Variants in KYAT1 observed in about 807,000 individuals in gnomAD.
KYAT1 encodes kynurenine--oxoglutarate transaminase 1.
A neutral mutation model predicts 52.4 loss-of-function variants in KYAT1; 47 were observed. That is an observed-to-expected ratio of 0.90 (90% CI 0.71 to 1.14). The LOEUF (loss-of-function observed/expected upper bound fraction) is 1.14. Ranked by LOEUF, KYAT1 falls within the 50% of genes most tolerant of loss-of-function variation. The probability of loss-of-function intolerance (pLI) is 0.00; values close to 1 mark genes in which losing one functional copy is unlikely to be tolerated. For synonymous variants in KYAT1, 212 were observed against 209.6 expected, an observed-to-expected ratio of 1.01 and a Z score of -0.10; for missense variants, 480 against 557.9, an observed-to-expected ratio of 0.86 and a Z score of 1.41.
In KYAT1 at chr9:128,838,254, G is replaced by T; in HGVS notation, c.315C>A (p.Phe105Leu). Residue 105 changes from phenylalanine (F) to leucine (L), a missense_variant, in exon 4 of 13, where the codon TTC (phenylalanine) becomes TTA (leucine). Phe to Leu is a conservative substitution (Grantham distance 22, BLOSUM62 0). Transcript: ENST00000302586. ...LVTVGGYGAL[F>L]TAFQALVDEG... ...CGTCCACCAGGGCCTGGAAGGCTGT[G>T]AACAGGGCCCCATAGCCACCAACAG... The T allele has an allele frequency of 1.2e-6, 2 of 1,614,212 alleles. No homozygotes were observed. Among genetic ancestry groups the T allele is most frequent in the Non-Finnish European group, 1.7e-6 (2 of 1,180,038 alleles).
chr9:128,881,332 C>T (rs1461404270), intron 1 of KYAT1, among the ~76,000 whole-genome samples: 2 of 152,150 alleles, frequency 1.3e-5, no homozygotes, highest in Non-Finnish European at 2.9e-5. Context: ...CCGCCCGCCT[C>T]GGCCTCCCAA....
rs527559265 is a variant in KYAT1 at position 128,834,815 on chromosome 9, G to A, written c.1122+508C>T. Among the ~76,000 whole-genome samples the A allele has an allele frequency of 4.2e-5, 5 of 119,522 alleles. No homozygotes were observed. The South Asian group carries it at 1.5e-3, about 37-fold the overall frequency. 78.4% of individuals were successfully genotyped at this position (119,522 alleles called of 152,430 possible). A position where few individuals can be genotyped will look rare whatever the true frequency, so the allele number is the denominator to read the frequency against. On this transcript the variant is annotated intron_variant, in intron 11 of 12. Transcript: ENST00000302586. ...CCACTGCACTCCCACCTAGGCGACA[G>A]AGTGAGACTCTGTCTCAAAAAAAAA...
At chr9:128,857,527 C>G (rs902800306) in intron 1 of KYAT1, among the ~76,000 whole-genome samples, 1 of 152,196 alleles carries the variant, frequency 6.6e-6, no homozygotes, top group Non-Finnish European at 1.5e-5. Flanking sequence ...AAAATTAATT[C>G]AAAGTGAATC....
At chr9:128,850,573 C>A (rs976874613) in intron 1 of KYAT1, among the ~76,000 whole-genome samples, 2 of 152,180 alleles carry the variant, frequency 1.3e-5, no homozygotes, top group African/African-American at 2.4e-5. Flanking sequence ...CTTGGAAAGC[C>A]GCGTATTGTC....
chr9:128,835,530 G>A lies in KYAT1; in HGVS notation c.993C>T (p.Pro331=). The A allele has an allele frequency of 6.2e-7, 1 of 1,613,736 alleles. No individual in the cohort carries two copies. Among genetic ancestry groups the A allele is most frequent in the Admixed American group, 1.7e-5 (1 of 60,024 alleles). ...GGAAGTAGCTGCCCTGAGGGATGAT[G>A]GGCTTCAGGCCCACTGACTGTAGGC... is the stretch of plus-strand genomic sequence containing the variant. ...IRSLQSVGLK[P]IIPQGSYFLI... is the part of the protein sequence containing the mutation. The change falls in exon 10 of 13, where the codon CCC becomes CCT. Residue 331 remains proline, a synonymous_variant. Coordinates refer to ENST00000302586, the MANE Select transcript of KYAT1 (RefSeq NM_004059.5).
chr9:128,860,544 G>A (rs1218956364), intron 1 of KYAT1: 2 of 151,300 alleles, frequency 1.3e-5, no homozygotes, highest in Admixed American at 6.6e-5. Flanking sequence ...AAAAAGAGCC[G>A]CTGGTTTTTC....
chr9:128,833,724 C>A lies in KYAT1; in HGVS notation c.1209+16G>T, dbSNP rs771671479. 6 of 1,613,868 alleles carry A rather than the reference C, an allele frequency of 3.7e-6. No homozygotes were observed. The highest frequency in any genetic ancestry group is 2.2e-5 in the South Asian group (2 of 91,086). ...AAGCTCTGTGAGGTCTTTCCTCCCC[C>A]AGCCCTGCCCTTTACCTTCACAAAA... On this transcript the variant is annotated intron_variant, in intron 12 of 12. Transcript: ENST00000302586.
intron 3 of KYAT1, among the ~76,000 whole-genome samples, chr9:128,840,033 CTG>C (rs954971040): frequency 2.6e-5 from 4 of 151,716 alleles, no homozygotes; most frequent in Non-Finnish European, 2.9e-5. Context: ...GGTAATAAAA[CTG>C]AGACTCTGTC....
intron 1 of KYAT1, chr9:128,846,675 C>T: frequency 2.0e-6 from 3 of 1,512,426 alleles, no homozygotes; most frequent in Middle Eastern, 1.7e-4. Flanking sequence ...CAGGTCCTAA[C>T]CCACCTTGGC....
chr9:128,868,039 C>T (rs1047401776), intron 1 of KYAT1, among the ~76,000 whole-genome samples: 1 of 152,152 alleles, frequency 6.6e-6, no homozygotes. Flanking sequence ...TCCCAAAGTA[C>T]TGGGATTACA....
chr9:128,862,190 A>T (rs1835553244), intron 1 of KYAT1, among the ~76,000 whole-genome samples: 1 of 152,176 alleles, frequency 6.6e-6, no homozygotes, highest in African/African-American at 2.4e-5. Flanking sequence ...TTTTGTAGAG[A>T]TGTGGTCTCA....
At position 128,833,174 on chromosome 9, in the gene KYAT1, G is replaced by C. The variant is rs1830427325; in HGVS notation, c.*410C>G. The C allele has an allele frequency of 4.4e-6, 1 of 228,982 alleles. No individual in the cohort carries two copies. The allele number at this position is 228,982 out of a possible 1,614,324, so 14.2% of individuals were successfully genotyped here. On this transcript the variant is annotated 3_prime_UTR_variant, in exon 13 of 13. Coordinates refer to ENST00000302586, the MANE Select transcript of KYAT1 (RefSeq NM_004059.5). Reference sequence around the variant, plus strand: ...GAAAAGGAGAGGCTTGAGGACTCAAGCCTAAAGGCAACTCCCCAAGGCCAA... The same window carrying C: ...GAAAAGGAGAGGCTTGAGGACTCAACCCTAAAGGCAACTCCCCAAGGCCAA...
At chr9:128,848,431 G>A (rs1040403465) in intron 1 of KYAT1, among the ~76,000 whole-genome samples, 1 of 151,976 alleles carries the variant, frequency 6.6e-6, no homozygotes, top group Non-Finnish European at 1.5e-5. Flanking sequence ...AAGAAAGTGT[G>A]ATACTGCTTA....
At chr9:128,869,256 G>A (rs1394535973) in intron 1 of KYAT1, among the ~76,000 whole-genome samples, 2 of 151,922 alleles carry the variant, frequency 1.3e-5, no homozygotes, top group African/African-American at 4.8e-5. Flanking sequence ...CTGCCTCCCG[G>A]GTTCACACCA....
chr9:128,860,859 G>A (rs1282656349), intron 1 of KYAT1, among the ~76,000 whole-genome samples: 2 of 152,118 alleles, frequency 1.3e-5, no homozygotes, highest in Admixed American at 6.5e-5. Flanking sequence ...CACTGCCTCC[G>A]GCCCACACGC....
intron 1 of KYAT1, among the ~76,000 whole-genome samples, chr9:128,852,250 G>A (rs76860303): frequency 6.6e-6 from 1 of 152,064 alleles, no homozygotes; most frequent in Non-Finnish European, 1.5e-5. Flanking sequence ...ACAACCCATG[G>A]GTGCTCTCCA....
chr9:128,840,449 C>G (rs1291772699), intron 3 of KYAT1, among the ~76,000 whole-genome samples: 5 of 152,154 alleles, frequency 3.3e-5, no homozygotes, highest in African/African-American at 1.2e-4. Context: ...TGGGATCTCA[C>G]CATGTTGGGC....
At position 128,835,573 on chromosome 9, in the gene KYAT1, C is replaced by A. The variant is rs373497046; in HGVS notation, c.950G>T (p.Arg317Leu). 1 of 1,613,340 alleles carries A rather than the reference C, an allele frequency of 6.2e-7. No individual in the cohort carries two copies. Among genetic ancestry groups the A allele is most frequent in the Non-Finnish European group, 8.5e-7 (1 of 1,180,050 alleles). Reference protein sequence around the residue: ...VQFPQAMQRCRDHMIRSLQSV... With the variant: ...VQFPQAMQRCLDHMIRSLQSV... The stretch of plus-strand genomic sequence containing the variant: ...CTGTAGGCTACGTATCATGTGGTCA[C>A]GGCAGCGCTGCATGGCCTGCGGGAA... Residue 317 changes from arginine to leucine, a missense_variant, in exon 10 of 13, where the codon CGT becomes CTT. Coordinates refer to ENST00000302586, the MANE Select transcript of KYAT1 (RefSeq NM_004059.5).
chr9:128,867,342 G>C (rs1836544258), intron 1 of KYAT1, among the ~76,000 whole-genome samples: 1 of 152,010 alleles, frequency 6.6e-6, no homozygotes, highest in Non-Finnish European at 1.5e-5. Context: ...ACCATGCTGG[G>C]CTAACTTTTT....
Sources: allele counts gnomAD v4.1 joint callset (sites outside exome capture counted in the v4.1 genomes callset), GRCh38; gene constraint gnomAD v4.1.1; transcripts MANE v1.5; gene names NCBI Gene and HGNC (gene_info 2026-07-23, HGNC 2026-07-21).